RHOBTB3: variants seen among roughly 807,000 people sequenced by gnomAD.
The protein encoded by RHOBTB3 is Rho related BTB domain containing 3.
In RHOBTB3, 47 loss-of-function variants were observed where a neutral mutation model predicts 67.2. The observed-to-expected ratio is 0.70, with a 90% CI of 0.55 to 0.89. The LOEUF (loss-of-function observed/expected upper bound fraction) is 0.89, where lower values mean the gene tolerates loss of function less well. Among genes scored for constraint, RHOBTB3 ranks in the 40% least tolerant of loss-of-function variants. RHOBTB3 has a pLI of 0.00. For missense variants in RHOBTB3, 631 were observed against 750.0 expected (o/e 0.84, Z 1.85); for synonymous variants, 273 against 274.2 (o/e 1.00, Z 0.04).
In RHOBTB3 at chr5:95,731,882, G is replaced by A; in HGVS notation, c.26G>A (p.Gly9Glu). 1.9e-6 allele frequency: 3 copies of A among 1,613,242 alleles called. No homozygotes were observed. The highest frequency in any genetic ancestry group is 2.5e-6 in the Non-Finnish European group (3 of 1,179,352). Residue 9 changes from glycine (G) to glutamate (E), a missense_variant, in exon 2 of 12, where the codon GGG (glycine) becomes GAG (glutamate). Coordinates refer to ENST00000379982, the MANE Select transcript of RHOBTB3 (RefSeq NM_014899.4). Reference protein sequence around the residue: MSIHIVALGNEGDTFHQDN... With the variant: MSIHIVALENEGDTFHQDN... ...AGGTCCATCCACATCGTGGCGCTGG[G>A]GAACGAGGGGGACACATTCCACCAG...
At chr5:95,782,333 GA>G (rs1322966253) in intron 9 of RHOBTB3, 2 of 152,124 alleles carry the variant, frequency 1.3e-5, no homozygotes, top group Non-Finnish European at 2.9e-5. Flanking sequence ...GGGAAGTATT[GA>G]AAAAACCCCC....
At chr5:95,741,878 C>T (rs376381588) in intron 3 of RHOBTB3, among the ~76,000 whole-genome samples, 2 of 152,104 alleles carry the variant, frequency 1.3e-5, no homozygotes, top group East Asian at 3.9e-4. Context: ...TTCTCTGCTC[C>T]CAAATTTTTC....
intron 3 of RHOBTB3, among the ~76,000 whole-genome samples, chr5:95,737,741 G>A (rs866322642): frequency 1.1e-4 from 17 of 152,192 alleles, no homozygotes; most frequent in Non-Finnish European, 1.9e-4. Context: ...GTATTGCGAA[G>A]TAAAGGACAT....
intron 9 of RHOBTB3, 80 bp downstream of exon 9, chr5:95,780,505 A>G: frequency 3.4e-6 from 4 of 1,176,238 alleles, no homozygotes; most frequent in Middle Eastern, 2.0e-4. Context: ...ACTCTGTGGA[A>G]TCTATTTTCA....
At chr5:95,738,462 T>C (rs1755511210) in intron 3 of RHOBTB3, among the ~76,000 whole-genome samples, 1 of 152,154 alleles carries the variant, frequency 6.6e-6, no homozygotes, top group Non-Finnish European at 1.5e-5. Flanking sequence ...AGTGAGACTT[T>C]AGGAGGTAAT....
intron 2 of RHOBTB3, among the ~76,000 whole-genome samples, chr5:95,735,960 G>A (rs991163216): frequency 3.9e-5 from 6 of 152,112 alleles, no homozygotes; most frequent in South Asian, 2.1e-4. Flanking sequence ...AAAATTAGCC[G>A]GAATGGTGGT....
rs1029738491 is a variant in RHOBTB3 at position 95,763,596 on chromosome 5, A to G, written c.1137A>G (p.Lys379=). 1.2e-6 allele frequency: 2 copies of G among 1,606,298 alleles called. No homozygotes were observed. The highest frequency in any genetic ancestry group is 1.6e-4 in the Middle Eastern group (1 of 6,070). ...GDVSNVIEKV[K]CILKTPGKIN... is the part of the protein sequence containing the mutation. ...TTTCAAATGTAATCGAGAAAGTTAA[A>G]TGCATTTTAAAAACACCAGGAAAGG... The change falls in exon 7 of 12, where the codon AAA becomes AAG. Residue 379 remains lysine (K), a synonymous_variant. Transcript: ENST00000379982.
At chr5:95,733,856 T>C (rs1755378371) in intron 2 of RHOBTB3, among the ~76,000 whole-genome samples, 1 of 152,204 alleles carries the variant, frequency 6.6e-6, no homozygotes, top group African/African-American at 2.4e-5. Context: ...AACCAGAATA[T>C]TAAATATAGC....
chr5:95,744,091 C>G (rs1367195208), intron 3 of RHOBTB3, among the ~76,000 whole-genome samples: 1 of 151,696 alleles, frequency 6.6e-6, no homozygotes, highest in East Asian at 1.9e-4. Flanking sequence ...TTTCTCTCCT[C>G]CCCCCTTCCC....
intron 8 of RHOBTB3, among the ~76,000 whole-genome samples, chr5:95,771,211 G>A (rs1383665731): frequency 6.6e-6 from 1 of 152,230 alleles, no homozygotes; most frequent in Non-Finnish European, 1.5e-5. Flanking sequence ...GATACCTTCA[G>A]TTAGGCAAGA....
intron 6 of RHOBTB3, 165 bp downstream of exon 6, chr5:95,755,926 C>G: frequency 1.6e-6 from 1 of 639,156 alleles, no homozygotes; most frequent in Admixed American, 3.2e-5. Flanking sequence ...AAGAATTGGT[C>G]CAAGCTTTCT....
chr5:95,732,838 T>C (rs1338283654), intron 2 of RHOBTB3: 1 of 152,234 alleles, frequency 6.6e-6, no homozygotes, highest in Non-Finnish European at 1.5e-5. Flanking sequence ...ATATAAATAT[T>C]TTCAGCATAC....
At chr5:95,770,715 T>G (rs1745682670) in intron 8 of RHOBTB3, 1 of 453,840 alleles carries the variant, frequency 2.2e-6, no homozygotes, top group Admixed American at 2.1e-5. Flanking sequence ...ATTCCTAGAA[T>G]AGGGCTTGAC....
chr5:95,722,664 A>AT (rs1381671417), intron 1 of RHOBTB3, among the ~76,000 whole-genome samples: 3 of 152,100 alleles, frequency 2.0e-5, no homozygotes, highest in Non-Finnish European at 4.4e-5. Flanking sequence ...TAATTTTTGT[A>AT]TTTTTAGTAG....
chr5:95,771,101 A>G (rs749218990), intron 8 of RHOBTB3, among the ~76,000 whole-genome samples: 1 of 152,190 alleles, frequency 6.6e-6, no homozygotes, highest in African/African-American at 2.4e-5. Context: ...TTTTCTGTGG[A>G]GAGTAAGAAT....
At chr5:95,748,572 C>A in intron 4 of RHOBTB3, 85 bp downstream of exon 4, 2 of 969,844 alleles carry the variant, frequency 2.1e-6, no homozygotes, top group Non-Finnish European at 3.0e-6. Context: ...AGAACTTCAG[C>A]TTTAAAAGCA....
At chr5:95,781,135 T>A (rs1000881345) in intron 9 of RHOBTB3, among the ~76,000 whole-genome samples, 7 of 152,070 alleles carry the variant, frequency 4.6e-5, no homozygotes, top group Non-Finnish European at 1.0e-4. Context: ...AATAGCAAAA[T>A]TTTTTCTACA....
chr5:95,792,874 ATAACT>A lies in RHOBTB3; in HGVS notation c.1721-181_1721-177del, dbSNP rs1208496270. 3.3e-5 allele frequency among the ~76,000 whole-genome samples: 5 copies of A among 152,340 alleles called. No individual in the cohort carries two copies. In the South Asian group the frequency reaches 1.0e-3, roughly 32 times the overall value. On this transcript the variant is annotated intron_variant, in intron 11 of 11. Transcript: ENST00000379982. The stretch of plus-strand genomic sequence containing the variant: ...GATATATATAATTGTAAGTCACATA[ATAACT>A]TAAATCCTGATACTAATTTAACCAA...
At chr5:95,767,953 G>T (rs917927114) in intron 7 of RHOBTB3, 93 bp from the exon 8 acceptor site, 13 of 1,183,786 alleles carry the variant, frequency 1.1e-5, no homozygotes, top group Non-Finnish European at 1.5e-5. Flanking sequence ...TTTCTTTTGA[G>T]ATTTAGCATA....
Sources: gnomAD v4.1 joint callset for allele counts (sites outside exome capture counted in the v4.1 genomes callset) on GRCh38, gnomAD v4.1.1 for gene constraint, MANE v1.5 for transcripts, NCBI Gene and HGNC (gene_info 2026-07-23, HGNC 2026-07-21) for gene names.